Variants in DLGAP1 observed in about 807,000 individuals in gnomAD.
DLGAP1 encodes disks large-associated protein 1.
DLGAP1 carries 11 observed loss-of-function variants against 90.8 expected under a neutral mutation model. That is an observed-to-expected ratio of 0.12 (90% CI 0.08 to 0.20). The LOEUF (loss-of-function observed/expected upper bound fraction) is 0.20. Among genes scored for constraint, DLGAP1 ranks in the 10% least tolerant of loss-of-function variants. DLGAP1 has a pLI of 1.00. For missense variants in DLGAP1, 1,050 were observed against 1,333.8 expected, an observed-to-expected ratio of 0.79 and a Z score of 3.31; for synonymous variants, 558 against 540.7, an observed-to-expected ratio of 1.03 and a Z score of -0.44.
intron 3 of DLGAP1, among the ~76,000 whole-genome samples, chr18:3,958,443 T>C (rs77405975): frequency 0.12 from 16,110 of 131,704 alleles, 1,215 homozygotes; most frequent in Middle Eastern, 0.24. Flanking sequence ...TGAAGAGAGA[T>C]TGCAAATTAG....
At chr18:4,266,829 A>G (rs2145316933) in intron 1 of DLGAP1, among the ~76,000 whole-genome samples, 1 of 152,382 alleles carries the variant, frequency 6.6e-6, no homozygotes, top group South Asian at 2.1e-4. Flanking sequence ...TGATTTTTGA[A>G]ATCAGCATAT....
chr18:3,623,974 G>T (rs1009437458), intron 7 of DLGAP1, among the ~76,000 whole-genome samples: 18 of 151,892 alleles, frequency 1.2e-4, no homozygotes, highest in Admixed American at 8.5e-4. Flanking sequence ...CCTCCTCCTC[G>T]TGCTGGGCTT....
intron 4 of DLGAP1, among the ~76,000 whole-genome samples, chr18:3,825,047 G>T (rs924469509): frequency 6.6e-6 from 1 of 152,128 alleles, no homozygotes; most frequent in African/African-American, 2.4e-5. Flanking sequence ...CTTTCCACAG[G>T]CAGCAAGATA....
intron 3 of DLGAP1, among the ~76,000 whole-genome samples, chr18:3,908,715 A>G (rs1430456361): frequency 3.2e-4 from 48 of 152,220 alleles, no homozygotes; most frequent in Admixed American, 3.1e-3. Flanking sequence ...ATCCTTAAAC[A>G]TGATAAGATT....
chr18:4,342,350 A>G lies in DLGAP1; in HGVS notation c.-267+112656T>C, dbSNP rs2081208789. ...TAAAATATTATACTTATGAATATAAATAGAATATGTTAAATGGATAAACAC... is the reference window on the plus strand; with the variant it reads ...TAAAATATTATACTTATGAATATAAGTAGAATATGTTAAATGGATAAACAC... On this transcript the variant is annotated intron_variant, in intron 1 of 12. Transcript: ENST00000315677. The surrounding 1 kb of genome is among the most constrained non-coding windows in gnomAD (Gnocchi z 5.8). Among the ~76,000 whole-genome samples the G allele has an allele frequency of 6.6e-6, 1 of 152,210 alleles. No homozygotes were observed. The highest frequency in any genetic ancestry group is 1.5e-5 in the Non-Finnish European group (1 of 68,040).
At chr18:3,540,235 G>A (rs1322626889) in intron 9 of DLGAP1, among the ~76,000 whole-genome samples, 1 of 152,028 alleles carries the variant, frequency 6.6e-6, no homozygotes, top group African/African-American at 2.4e-5. Context: ...GGGAAGCCAA[G>A]GCGGGCAGAT....
At chr18:3,754,901 A>T (rs2063656380) in intron 5 of DLGAP1, among the ~76,000 whole-genome samples, 1 of 152,086 alleles carries the variant, frequency 6.6e-6, no homozygotes, top group African/African-American at 2.4e-5. Context: ...TCTAAAAAAA[A>T]ATATGTATTA....
At chr18:4,310,859 C>A (rs1310899564) in intron 1 of DLGAP1, among the ~76,000 whole-genome samples, 4 of 152,126 alleles carry the variant, frequency 2.6e-5, no homozygotes, top group African/African-American at 9.7e-5. Flanking sequence ...TAAGACACAG[C>A]CTCCCTAGCC....
intron 1 of DLGAP1, among the ~76,000 whole-genome samples, chr18:4,345,488 C>A (rs1334314169): frequency 6.6e-6 from 1 of 152,206 alleles, no homozygotes; most frequent in African/African-American, 2.4e-5. Context: ...CACACTTCAT[C>A]ATAACCAGTT....
chr18:3,927,796 T>C (rs533624057), intron 3 of DLGAP1, among the ~76,000 whole-genome samples: 4 of 151,568 alleles, frequency 2.6e-5, no homozygotes, highest in South Asian at 2.1e-4. Flanking sequence ...TTTTACATTA[T>C]GTCATTAAGC....
At chr18:3,865,550 A>T (rs1214246388) in intron 4 of DLGAP1, among the ~76,000 whole-genome samples, 1 of 152,206 alleles carries the variant, frequency 6.6e-6, no homozygotes, top group Non-Finnish European at 1.5e-5. Context: ...TTAAACCATA[A>T]TTATTCATTT....
intron 3 of DLGAP1, among the ~76,000 whole-genome samples, chr18:3,947,562 A>G (rs767777226): frequency 2.0e-5 from 3 of 152,200 alleles, no homozygotes; most frequent in African/African-American, 7.2e-5. Flanking sequence ...TAAGATACAC[A>G]TACGTATGTT....
At chr18:4,424,069 T>G (rs1330095858) in intron 1 of DLGAP1, among the ~76,000 whole-genome samples, 18 of 152,036 alleles carry the variant, frequency 1.2e-4, no homozygotes, top group Non-Finnish European at 4.4e-5. Flanking sequence ...GGAGAATCAC[T>G]TGAAGCTGGA....
At chr18:3,573,632 G>GT (rs34761082) in intron 8 of DLGAP1, among the ~76,000 whole-genome samples, 15 of 149,810 alleles carry the variant, frequency 1.0e-4, no homozygotes, top group South Asian at 2.1e-4. Flanking sequence ...TTTGTGAAAG[G>GT]TTTTTTTTTT....
At chr18:4,392,657 A>G (rs967379560) in intron 1 of DLGAP1, among the ~76,000 whole-genome samples, 5 of 152,198 alleles carry the variant, frequency 3.3e-5, no homozygotes, top group African/African-American at 1.2e-4. Flanking sequence ...AAACTCTGTA[A>G]TAACTGTACA....
chr18:4,354,831 T>TAAG (rs543301228), intron 1 of DLGAP1, among the ~76,000 whole-genome samples: 1 of 118,454 alleles, frequency 8.4e-6, no homozygotes, highest in East Asian at 2.8e-4. Flanking sequence ...TCAAGCTACC[T>TAAG]AAGAAGAAAC....
intron 3 of DLGAP1, among the ~76,000 whole-genome samples, chr18:3,910,974 T>C (rs866474525): frequency 1.4e-4 from 21 of 152,294 alleles, no homozygotes; most frequent in Middle Eastern, 3.4e-3. Flanking sequence ...GTTCTAATCC[T>C]GGTTTTGGCC....
chr18:4,384,219 G>A (rs1022561397), intron 1 of DLGAP1, among the ~76,000 whole-genome samples: 2 of 152,150 alleles, frequency 1.3e-5, no homozygotes, highest in African/African-American at 4.8e-5. Context: ...GACATTTGCA[G>A]AGCTAAATTT....
At chr18:3,701,821 A>G (rs1453896243) in intron 7 of DLGAP1, among the ~76,000 whole-genome samples, 1 of 152,158 alleles carries the variant, frequency 6.6e-6, no homozygotes. Context: ...GATCTGGCAG[A>G]TGGACATAGA....
Sources: gnomAD v4.1 joint callset for allele counts (sites outside exome capture counted in the v4.1 genomes callset) on GRCh38, gnomAD v4.1.1 for gene constraint, Gnocchi (gnomAD v3.1) non-coding constraint, MANE v1.5 for transcripts, NCBI Gene and HGNC (gene_info 2026-07-23, HGNC 2026-07-21) for gene names.